Variants in NALF1 observed in about 807,000 individuals in gnomAD.
NALF1 encodes the protein family with sequence similarity 155 member A.
NALF1 carries 3 observed loss-of-function variants against 48.4 expected under a neutral mutation model. That is an observed-to-expected ratio of 0.06 (90% CI 0.03 to 0.16). NALF1 has a LOEUF of 0.16. NALF1 is among the 10% of genes least tolerant of loss of function. The pLI, the probability that NALF1 is intolerant of heterozygous loss-of-function variation, is 1.00. For missense variants in NALF1, 526 were observed against 571.5 expected (o/e 0.92, Z 0.81); for synonymous variants, 262 against 245.7 (o/e 1.07, Z -0.62).
intron 1 of NALF1, among the ~76,000 whole-genome samples, chr13:107,707,660 G>A (rs1161704824): frequency 6.6e-6 from 1 of 152,208 alleles, no homozygotes; most frequent in Non-Finnish European, 1.5e-5. Flanking sequence ...TGTCCCTGAG[G>A]TGGAGATGGT....
intron 2 of NALF1, among the ~76,000 whole-genome samples, chr13:107,177,424 C>T (rs541931461): frequency 3.3e-5 from 5 of 152,192 alleles, no homozygotes; most frequent in Admixed American, 6.5e-5. Context: ...CCACAAAAGG[C>T]CCAGAATAGC....
chr13:107,436,796 A>G (rs2139022326), intron 1 of NALF1, among the ~76,000 whole-genome samples: 1 of 152,322 alleles, frequency 6.6e-6, no homozygotes, highest in South Asian at 2.1e-4. Context: ...CTGTATTTGC[A>G]GATGACATGA....
chr13:107,260,783 G>C (rs768396345), intron 1 of NALF1, among the ~76,000 whole-genome samples: 43 of 152,182 alleles, frequency 2.8e-4, no homozygotes, highest in Non-Finnish European at 4.7e-4. Flanking sequence ...TGTGTGGCTA[G>C]CTCTGTTTTC....
At chr13:107,844,978 C>G (rs1240123168) in intron 1 of NALF1, among the ~76,000 whole-genome samples, 1 of 152,074 alleles carries the variant, frequency 6.6e-6, no homozygotes, top group Admixed American at 6.6e-5. Context: ...ACTTAGGTAT[C>G]AGATATAATG....
At chr13:107,707,214 G>A (rs1875412448) in intron 1 of NALF1, among the ~76,000 whole-genome samples, 2 of 151,656 alleles carry the variant, frequency 1.3e-5, no homozygotes, top group South Asian at 2.1e-4. Flanking sequence ...GAGCCACCGC[G>A]CCCGGCCAAG....
chr13:107,173,410 C>T (rs577810674), intron 2 of NALF1, among the ~76,000 whole-genome samples: 22 of 152,208 alleles, frequency 1.4e-4, no homozygotes, highest in Non-Finnish European at 3.1e-4. Context: ...TTTTCTATCC[C>T]TATACCACTT....
At chr13:107,319,192 T>C (rs550276435) in intron 1 of NALF1, among the ~76,000 whole-genome samples, 2 of 152,116 alleles carry the variant, frequency 1.3e-5, no homozygotes, top group East Asian at 3.9e-4. Context: ...AAACATCCCA[T>C]CAAAACCATC....
At chr13:107,505,236 G>T (rs1179906122) in intron 1 of NALF1, among the ~76,000 whole-genome samples, 1 of 152,218 alleles carries the variant, frequency 6.6e-6, no homozygotes, top group Non-Finnish European at 1.5e-5. Flanking sequence ...ATTGCAGAGA[G>T]CATAGCATTG....
In NALF1 at chr13:107,867,100, A is replaced by G. The variant is rs1880760585; in HGVS notation, c.-504T>C. 6.7e-6 allele frequency among the ~76,000 whole-genome samples: 1 copy of G among 149,778 alleles called. No homozygotes were observed. Among genetic ancestry groups the G allele is most frequent in the Non-Finnish European group, 1.5e-5 (1 of 67,328 alleles). ...GGGGCATGCCGCGCCTCCGCTGCCCACTGACGGCGCCCGGAGCGCCTCCCC... is the reference window on the plus strand; with the variant it reads ...GGGGCATGCCGCGCCTCCGCTGCCCGCTGACGGCGCCCGGAGCGCCTCCCC... On this transcript the variant is annotated 5_prime_UTR_variant, in exon 1 of 3. Transcript: ENST00000375915. This position sits in a 1 kb window ranked among gnomAD's most constrained non-coding sequence, Gnocchi z 4.4.
At chr13:107,697,003 T>C (rs560494098) in intron 1 of NALF1, among the ~76,000 whole-genome samples, 1 of 152,260 alleles carries the variant, frequency 6.6e-6, no homozygotes, top group South Asian at 2.1e-4. Context: ...TTATTTTATT[T>C]TATTCATATG....
At chr13:107,193,486 A>G (rs1009675390) in intron 2 of NALF1, among the ~76,000 whole-genome samples, 1 of 152,132 alleles carries the variant, frequency 6.6e-6, no homozygotes, top group Non-Finnish European at 1.5e-5. Context: ...TGGTCTCATT[A>G]ATGGCAACAC....
chr13:107,236,269 G>T (rs1168546123), intron 1 of NALF1, among the ~76,000 whole-genome samples: 1 of 152,116 alleles, frequency 6.6e-6, no homozygotes, highest in African/African-American at 2.4e-5. Flanking sequence ...TTACTGGATG[G>T]GGATAAAGGA....
chr13:107,544,552 A>G (rs1193471622), intron 1 of NALF1, among the ~76,000 whole-genome samples: 1 of 152,176 alleles, frequency 6.6e-6, no homozygotes, highest in East Asian at 1.9e-4. Flanking sequence ...TTTTGCTGCT[A>G]AACTTAGACA....
At chr13:107,388,532 A>C (rs555087887) in intron 1 of NALF1, among the ~76,000 whole-genome samples, 15 of 152,212 alleles carry the variant, frequency 9.9e-5, no homozygotes, top group Admixed American at 1.3e-4. Flanking sequence ...CACACATTTC[A>C]TACAAAACAA....
Position 107,342,511 on chromosome 13 carries a change from GAGA to G in NALF1, c.916-131759_916-131757del, listed in dbSNP as rs199680881. On this transcript the variant is annotated intron_variant, in intron 1 of 2. Transcript: ENST00000375915. Reference sequence around the variant, plus strand: ...ACCTTTATGAGAACTCCAGAAAGCAGAGAAGAAGTGGCAGAACCCTGGATGAGT... The same window carrying G: ...ACCTTTATGAGAACTCCAGAAAGCAGAGAAGTGGCAGAACCCTGGATGAGT... 9.3e-3 allele frequency among the ~76,000 whole-genome samples: 1,411 copies of G among 152,244 alleles called. 15 individuals carry two copies. The highest frequency in any genetic ancestry group is 0.028 in the African/African-American group (1,166 of 41,526).
At chr13:107,850,748 CA>C (rs1555329662) in intron 1 of NALF1, among the ~76,000 whole-genome samples, 1 of 151,928 alleles carries the variant, frequency 6.6e-6, no homozygotes, top group Non-Finnish European at 1.5e-5. Context: ...ACTAAAAGTA[CA>C]AAAATTAGCC....
intron 1 of NALF1, among the ~76,000 whole-genome samples, chr13:107,684,748 G>A (rs556410545): frequency 1.2e-4 from 19 of 152,242 alleles, no homozygotes; most frequent in African/African-American, 3.1e-4. Context: ...AGGAATTTTG[G>A]GAAAACTCAG....
intron 1 of NALF1, among the ~76,000 whole-genome samples, chr13:107,458,336 G>C (rs1471042136): frequency 6.6e-6 from 1 of 152,150 alleles, no homozygotes; most frequent in East Asian, 1.9e-4. Context: ...GAGATAATGG[G>C]CCCCCACTCA....
In NALF1 at chr13:107,843,938, A is replaced by G. The variant is rs114982769; in HGVS notation, c.915+21744T>C. ...CCTAATAGCAAATGCTATTGCTTCC[A>G]AAAAGATACAGTGTTGCAAAAGTAG... On this transcript the variant is annotated intron_variant, in intron 1 of 2. Coordinates refer to ENST00000375915, the MANE Select transcript of NALF1 (RefSeq NM_001080396.3). Among the ~76,000 whole-genome samples, 931 of 152,324 alleles carry G rather than the reference A, an allele frequency of 6.1e-3. 8 individuals are homozygous for G. Among genetic ancestry groups the G allele is most frequent in the African/African-American group, 0.021 (887 of 41,570 alleles).
Sources: allele counts gnomAD v4.1 joint callset (sites outside exome capture counted in the v4.1 genomes callset), GRCh38; gene constraint gnomAD v4.1.1; non-coding constraint Gnocchi (gnomAD v3.1); transcripts MANE v1.5; gene names NCBI Gene and HGNC (gene_info 2026-07-23, HGNC 2026-07-21).